Variants in EIF3F observed in about 807,000 individuals in gnomAD.
EIF3F encodes eukaryotic translation initiation factor 3 subunit F.
In EIF3F, 8 loss-of-function variants were observed where a neutral mutation model predicts 36.0. That is an observed-to-expected ratio of 0.22 (90% confidence interval 0.13 to 0.40). The LOEUF is 0.40. Ranked by LOEUF, EIF3F falls within the 10% of genes least tolerant of loss-of-function variation. The pLI, the probability that EIF3F is intolerant of heterozygous loss-of-function variation, is 1.00. For synonymous variants in EIF3F, 184 were observed against 188.5 expected (o/e 0.98, Z 0.19); for missense variants, 430 against 467.6 (o/e 0.92, Z 0.74).
chr11:7,999,590 T>C lies in EIF3F; in HGVS notation c.*3568T>C, dbSNP rs1045355503. On this transcript the variant is annotated 3_prime_UTR_variant, in exon 8 of 8. Coordinates refer to ENST00000651655, the MANE Select transcript of EIF3F (RefSeq NM_003754.3). ...GCCCTTCCAGATATAAAATATATTA[T>C]AGAACTGTGTAATTAAAGCAATATG... is the stretch of plus-strand genomic sequence containing the variant. 4 of 152,158 alleles carry C rather than the reference T, an allele frequency of 2.6e-5. No homozygotes were observed. The highest frequency in any genetic ancestry group is 9.7e-5 in the African/African-American group (4 of 41,406). The allele number at this position is 152,158 out of a possible 1,614,324, so 9.4% of individuals were successfully genotyped here.
chr11:8,000,186 TGA>T lies in EIF3F; in HGVS notation c.*4167_*4168del, dbSNP rs1017365964. 13 of 148,476 alleles carry T rather than the reference TGA, an allele frequency of 8.8e-5. No homozygotes were observed. The highest frequency in any genetic ancestry group is 1.8e-4 in the Non-Finnish European group (12 of 67,438). 9.2% of individuals were successfully genotyped at this position (148,476 alleles called of 1,614,324 possible). A position where few individuals can be genotyped will look rare whatever the true frequency, so the allele number is the denominator to read the frequency against. The stretch of plus-strand genomic sequence containing the variant: ...TGCAGTCCAGCCTGAGCGACAAGAG[TGA>T]GAAGAGTGAGACTTCATCTCAAAAA... On this transcript the variant is annotated 3_prime_UTR_variant, in exon 8 of 8. Transcript: ENST00000651655.
chr11:7,995,753 T>G, intron 7 of EIF3F, 192 bp from the exon 8 acceptor site: 2 of 661,364 alleles, frequency 3.0e-6, no homozygotes, highest in Non-Finnish European at 5.4e-6. Context: ...AGTGTATCAG[T>G]AGAGATAAGA....
At position 7,995,305 on chromosome 11, in the gene EIF3F, G is replaced by C. The variant is rs1290026882; in HGVS notation, c.934G>C (p.Val312Leu). The C allele has an allele frequency of 6.2e-7, 1 of 1,614,138 alleles. No individual in the cohort carries two copies. The highest frequency in any genetic ancestry group is 2.2e-5 in the East Asian group (1 of 44,878). ...TGTGGGCCGCTTCCTGATGAGCCTG[G>C]TTAACCAAGTACCGAAAATAGTTCC... ...NTVGRFLMSL[V>L]NQVPKIVPDD... is the part of the protein sequence containing the mutation. Residue 312 changes from valine (V) to leucine (L), a missense_variant, in exon 7 of 8, where the codon GTT (valine) becomes CTT (leucine). By Grantham distance (32) the Val-to-Leu change is conservative. Transcript: ENST00000651655.
rs1056921704 is a variant in EIF3F, at chr11:7,995,005, T to G, written c.769T>G (p.Phe257Val). 4 of 1,613,466 alleles carry G rather than the reference T, an allele frequency of 2.5e-6. No homozygotes were observed. The highest frequency in any genetic ancestry group is 2.7e-5 in the African/African-American group (2 of 74,898). ...AGTTGACCTGATCATGAAGACCTGC[T>G]TTAGCCCCAACAGAGTGATTGGACT... is the stretch of plus-strand genomic sequence containing the variant. ...IGVDLIMKTC[F>V]SPNRVIGLSS... Residue 257 changes from phenylalanine (F) to valine (V), a missense_variant, in exon 6 of 8, where the codon TTT becomes GTT. By Grantham distance (50) the Phe-to-Val change is conservative (BLOSUM62 -1). Coordinates refer to ENST00000651655, the MANE Select transcript of EIF3F (RefSeq NM_003754.3).
Position 7,992,896 on chromosome 11 carries a change from G to A in EIF3F, c.525G>A (p.Thr175=), listed in dbSNP as rs147597507. The change falls in exon 4 of 8, where the codon ACG becomes ACA. Residue 175 remains threonine (T), a synonymous_variant. Transcript: ENST00000651655. ...GTGTTCCATTTCACAGGTACGCTAC[G>A]GGCCATGACATCACAGAGCACTCTG... ...PNELILGWYA[T]GHDITEHSVL... is the part of the protein sequence containing the mutation. The A allele has an allele frequency of 8.7e-5, 141 of 1,613,944 alleles. No homozygotes were observed. Among genetic ancestry groups the A allele is most frequent in the South Asian group, 3.3e-4 (30 of 91,080 alleles).
At chr11:7,993,883 C>CTA (rs1229087978) in intron 4 of EIF3F, among the ~76,000 whole-genome samples, 1 of 151,678 alleles carries the variant, frequency 6.6e-6, no homozygotes, top group Non-Finnish European at 1.5e-5. Context: ...TAAGATCCAA[C>CTA]TATATATATG....
intron 3 of EIF3F, 141 bp downstream of exon 3, chr11:7,992,304 T>C (rs1163711234): frequency 6.7e-6 from 5 of 742,450 alleles, no homozygotes; most frequent in Non-Finnish European, 1.1e-5. Flanking sequence ...GAGCAGTGGC[T>C]CAATGCCTGT....
chr11:7,992,237 TG>T (rs753879698), intron 3 of EIF3F, 74 bp downstream of exon 3: 8 of 1,282,202 alleles, frequency 6.2e-6, no homozygotes, highest in Non-Finnish European at 7.7e-6. Context: ...GCTACTGGAC[TG>T]GATCTTATAC....
intron 1 of EIF3F, among the ~76,000 whole-genome samples, chr11:7,989,260 T>G (rs1388383271): frequency 2.6e-5 from 4 of 152,210 alleles, no homozygotes; most frequent in African/African-American, 7.2e-5. Context: ...CTCTTTTGGC[T>G]GCACTTTCTA....
Position 7,998,005 on chromosome 11 carries a change from T to G in EIF3F, c.*1983T>G, listed in dbSNP as rs1942179618. On this transcript the variant is annotated 3_prime_UTR_variant, in exon 8 of 8. Transcript: ENST00000651655. ...CAGGTTATATCCAAATACTTCATATTAGGGACTTGAGCATCAGAGGATTTT... is the reference window on the plus strand; with the variant it reads ...CAGGTTATATCCAAATACTTCATATGAGGGACTTGAGCATCAGAGGATTTT... The G allele has an allele frequency of 6.6e-6, 1 of 152,224 alleles. No homozygotes were observed. The highest frequency in any genetic ancestry group is 2.4e-5 in the African/African-American group (1 of 41,466). 9.4% of individuals were successfully genotyped at this position (152,224 alleles called of 1,614,324 possible).
intron 1 of EIF3F, among the ~76,000 whole-genome samples, chr11:7,988,360 C>T (rs918711887): frequency 1.3e-5 from 2 of 152,212 alleles, no homozygotes; most frequent in African/African-American, 4.8e-5. Flanking sequence ...ATGTGAGAAA[C>T]CCTGTTCCCC....
intron 1 of EIF3F, among the ~76,000 whole-genome samples, chr11:7,989,845 A>T (rs2133667566): frequency 6.6e-6 from 1 of 152,368 alleles, no homozygotes; most frequent in South Asian, 2.1e-4. Flanking sequence ...TATTACAGGA[A>T]TGTAGGTGAC....
Position 7,998,220 on chromosome 11 carries a change from C to T in EIF3F, c.*2198C>T, listed in dbSNP as rs1046270495. On this transcript the variant is annotated 3_prime_UTR_variant, in exon 8 of 8. Transcript: ENST00000651655. Reference sequence around the variant, plus strand: ...AATACAGGGTTGGGTTCCTATGAACCTCTGGGCACAGTTTCATCAACCCAT... The same window carrying T: ...AATACAGGGTTGGGTTCCTATGAACTTCTGGGCACAGTTTCATCAACCCAT... 3 of 152,190 alleles carry T rather than the reference C, an allele frequency of 2.0e-5. No homozygotes were observed. The highest frequency in any genetic ancestry group is 2.9e-5 in the Non-Finnish European group (2 of 68,030). The allele number at this position is 152,190 out of a possible 1,614,324, so 9.4% of individuals were successfully genotyped here. A position where few individuals can be genotyped will look rare whatever the true frequency, so the allele number is the denominator to read the frequency against.
rs1418347378 is a variant in EIF3F at position 8,001,541 on chromosome 11, T to C, written c.*5519T>C. On this transcript the variant is annotated 3_prime_UTR_variant, in exon 8 of 8. Coordinates refer to ENST00000651655, the MANE Select transcript of EIF3F (RefSeq NM_003754.3). ...GATATATCCATAAAACACAATACTA[T>C]GCAGCTGTTAAGCAGAATGAGACAG... The C allele has an allele frequency of 3.3e-5, 5 of 152,144 alleles. No individual in the cohort carries two copies. 9.4% of individuals were successfully genotyped at this position (152,144 alleles called of 1,614,324 possible).
Position 8,000,742 on chromosome 11 carries a change from G to A in EIF3F, c.*4720G>A, listed in dbSNP as rs1057403234. 8 of 151,994 alleles carry A rather than the reference G, an allele frequency of 5.3e-5. No individual in the cohort carries two copies. Among genetic ancestry groups the A allele is most frequent in the Non-Finnish European group, 1.2e-4 (8 of 68,022 alleles). 9.4% of individuals were successfully genotyped at this position (151,994 alleles called of 1,614,324 possible). A position where few individuals can be genotyped will look rare whatever the true frequency, so the allele number is the denominator to read the frequency against. On this transcript the variant is annotated 3_prime_UTR_variant, in exon 8 of 8. Coordinates refer to ENST00000651655, the MANE Select transcript of EIF3F (RefSeq NM_003754.3). ...CTTAAGAGCGAATGAGTGGTAATTT[G>A]GAAACAATGTTGGATTCCTACTTCG...
chr11:7,988,378 C>T (rs1260472937), intron 1 of EIF3F, among the ~76,000 whole-genome samples: 1 of 152,196 alleles, frequency 6.6e-6, no homozygotes, highest in East Asian at 1.9e-4. Flanking sequence ...CCCCATTTTG[C>T]ATTTGGACGC....
rs1942188166 is a variant in EIF3F at position 7,998,592 on chromosome 11, C to G, written c.*2570C>G. 6.6e-6 allele frequency: 1 copy of G among 152,146 alleles called. No homozygotes were observed. Among genetic ancestry groups the G allele is most frequent in the Non-Finnish European group, 1.5e-5 (1 of 68,042 alleles). The allele number at this position is 152,146 out of a possible 1,614,324, so 9.4% of individuals were successfully genotyped here. ...TCACATGCTGCATGTCCGCAAATGG[C>G]TGCAAAAGCCCAGCAAGTACTGATA... On this transcript the variant is annotated 3_prime_UTR_variant, in exon 8 of 8. Coordinates refer to ENST00000651655, the MANE Select transcript of EIF3F (RefSeq NM_003754.3).
intron 2 of EIF3F, 21 bp from the exon 3 acceptor site, chr11:7,992,063 C>G: frequency 6.2e-7 from 1 of 1,611,456 alleles, no homozygotes; most frequent in African/African-American, 1.3e-5. Context: ...TCTTAGCTTG[C>G]TTTCCTGCCT....
Position 7,994,532 on chromosome 11 carries a change from C to A in EIF3F, c.745+15C>A, listed in dbSNP as rs545728244. 6.2e-7 allele frequency: 1 copy of A among 1,609,432 alleles called. No individual in the cohort carries two copies. Among genetic ancestry groups the A allele is most frequent in the African/African-American group, 1.3e-5 (1 of 74,928 alleles). ...ACGCATCGGAGGTGAGTAACCTTTC[C>A]ATACACTCGCGAGAGGCCATAGGCA... On this transcript the variant is annotated intron_variant, in intron 5 of 7. Coordinates refer to ENST00000651655, the MANE Select transcript of EIF3F (RefSeq NM_003754.3).
Sources: gnomAD v4.1 joint callset for allele counts (sites outside exome capture counted in the v4.1 genomes callset) on GRCh38, gnomAD v4.1.1 for gene constraint, MANE v1.5 for transcripts, NCBI Gene and HGNC (gene_info 2026-07-23, HGNC 2026-07-21) for gene names.